LRFN2: variants seen among roughly 807,000 people sequenced by gnomAD.
The protein encoded by LRFN2 is leucine-rich repeat and fibronectin type-III domain-containing protein 2.
In LRFN2, 18 loss-of-function variants were observed where a neutral mutation model predicts 37.3. The observed-to-expected ratio is 0.48, with a 90% CI of 0.33 to 0.72. The LOEUF (loss-of-function observed/expected upper bound fraction) is 0.72. LRFN2 is among the 30% of genes least tolerant of loss of function. The pLI, the probability that LRFN2 is intolerant of heterozygous loss-of-function variation, is 0.02. For missense variants in LRFN2, 1,006 were observed against 1,060.7 expected (o/e 0.95, Z 0.72); for synonymous variants, 556 against 466.6 (o/e 1.19, Z -2.47).
chr6:40,565,788 G>T (rs1414648883), intron 1 of LRFN2, among the ~76,000 whole-genome samples: 1 of 151,852 alleles, frequency 6.6e-6, no homozygotes, highest in East Asian at 1.9e-4. Flanking sequence ...AACCCTAGAA[G>T]AAAACCTAGG....
At chr6:40,512,612 C>T (rs1296207409) in intron 1 of LRFN2, among the ~76,000 whole-genome samples, 1 of 152,166 alleles carries the variant, frequency 6.6e-6, no homozygotes, top group Non-Finnish European at 1.5e-5. Context: ...TAATGGATTC[C>T]CTCCTTGGCA....
At chr6:40,507,318 C>T (rs1212208860) in intron 1 of LRFN2, among the ~76,000 whole-genome samples, 2 of 152,162 alleles carry the variant, frequency 1.3e-5, no homozygotes, top group Non-Finnish European at 1.5e-5. Flanking sequence ...TCTTCTGTAC[C>T]CTAACAAAAC....
intron 1 of LRFN2, among the ~76,000 whole-genome samples, chr6:40,506,242 T>C (rs1043028142): frequency 1.3e-5 from 2 of 149,422 alleles, no homozygotes; most frequent in African/African-American, 2.6e-5. Flanking sequence ...ATAAGCCGTG[T>C]CATGGAACCT....
At chr6:40,563,835 T>A (rs1006921596) in intron 1 of LRFN2, among the ~76,000 whole-genome samples, 3 of 152,166 alleles carry the variant, frequency 2.0e-5, no homozygotes, top group African/African-American at 7.2e-5. Context: ...AGCACTACGA[T>A]TACCATGGAT....
intron 1 of LRFN2, among the ~76,000 whole-genome samples, chr6:40,459,723 A>T (rs1243260955): frequency 6.6e-6 from 1 of 152,222 alleles, no homozygotes; most frequent in Non-Finnish European, 1.5e-5. Context: ...GATGCTTGGC[A>T]CTATGTGCCT....
At chr6:40,483,942 G>T (rs1209110327) in intron 1 of LRFN2, among the ~76,000 whole-genome samples, 1 of 152,166 alleles carries the variant, frequency 6.6e-6, no homozygotes, top group Non-Finnish European at 1.5e-5. Flanking sequence ...CAGCATTCCT[G>T]GCTCAGAGAG....
At position 40,450,405 on chromosome 6, in the gene LRFN2, G is replaced by A. The variant is rs190572054; in HGVS notation, c.-18-17274C>T. Among the ~76,000 whole-genome samples the A allele has an allele frequency of 3.2e-3, 493 of 152,314 alleles. 4 individuals are homozygous for A. The highest frequency in any genetic ancestry group is 3.9e-3 in the Non-Finnish European group (268 of 68,034). On this transcript the variant is annotated intron_variant, in intron 1 of 2. Coordinates refer to ENST00000338305, the MANE Select transcript of LRFN2 (RefSeq NM_020737.3). ...TGACATTTGTTGGTATTTTCAACTC[G>A]GGTGAAAACAAACAAATTGCACTGA...
intron 1 of LRFN2, among the ~76,000 whole-genome samples, chr6:40,503,409 C>A (rs1237302136): frequency 6.6e-6 from 1 of 152,154 alleles, no homozygotes; most frequent in African/African-American, 2.4e-5. Flanking sequence ...CACAGTGACA[C>A]TTAGCTGCTC....
intron 1 of LRFN2, among the ~76,000 whole-genome samples, chr6:40,576,866 T>C (rs1479293850): frequency 7.2e-5 from 11 of 151,966 alleles, no homozygotes; most frequent in Non-Finnish European, 2.9e-5. Flanking sequence ...TCTGGTCTTC[T>C]TCACCTTCCT....
chr6:40,530,331 G>A (rs1408589373), intron 1 of LRFN2, among the ~76,000 whole-genome samples: 4 of 152,156 alleles, frequency 2.6e-5, no homozygotes, highest in South Asian at 4.1e-4. Context: ...TGGCTCACAC[G>A]CAGTTCCAGA....
intron 1 of LRFN2, among the ~76,000 whole-genome samples, chr6:40,568,167 T>C (rs1767123089): frequency 6.6e-6 from 1 of 152,204 alleles, no homozygotes; most frequent in Non-Finnish European, 1.5e-5. Flanking sequence ...TACAGATAAC[T>C]AAGCCTCAGT....
At chr6:40,400,522 G>A (rs549205837) in intron 2 of LRFN2, among the ~76,000 whole-genome samples, 1 of 148,638 alleles carries the variant, frequency 6.7e-6, no homozygotes, top group African/African-American at 2.5e-5. Flanking sequence ...CCAGGCTCAA[G>A]CAATTCTCCT....
chr6:40,535,119 G>A (rs1402192249), intron 1 of LRFN2, among the ~76,000 whole-genome samples: 1 of 152,178 alleles, frequency 6.6e-6, no homozygotes, highest in Non-Finnish European at 1.5e-5. Flanking sequence ...GCAAGATAAG[G>A]TCAAGAAGAG....
intron 1 of LRFN2, among the ~76,000 whole-genome samples, chr6:40,522,900 G>A (rs916876111): frequency 1.3e-5 from 2 of 152,364 alleles, no homozygotes; most frequent in Middle Eastern, 3.4e-3. Flanking sequence ...CTGGGGCTGA[G>A]TGTAAGGTGC....
At chr6:40,398,159 A>C (rs2504828) in intron 2 of LRFN2, among the ~76,000 whole-genome samples, 1 of 151,648 alleles carries the variant, frequency 6.6e-6, no homozygotes, top group Non-Finnish European at 1.5e-5. Flanking sequence ...TGTGGGGCTG[A>C]CCTCTGCATC....
chr6:40,583,488 G>A (rs189899296), intron 1 of LRFN2, among the ~76,000 whole-genome samples: 21 of 152,186 alleles, frequency 1.4e-4, no homozygotes, highest in African/African-American at 2.4e-4. Context: ...AAACTGACCC[G>A]TGAAAGTCCA....
intron 1 of LRFN2, among the ~76,000 whole-genome samples, chr6:40,526,704 A>G (rs1451966256): frequency 6.6e-6 from 1 of 152,164 alleles, no homozygotes; most frequent in Non-Finnish European, 1.5e-5. Flanking sequence ...GGATGTGGCC[A>G]TCCGGTCCCT....
intron 1 of LRFN2, among the ~76,000 whole-genome samples, chr6:40,558,273 TCC>T (rs1240160596): frequency 6.6e-6 from 1 of 152,202 alleles, no homozygotes; most frequent in Non-Finnish European, 1.5e-5. Context: ...GCAGCCTGTG[TCC>T]CCTGGCTCCT....
chr6:40,493,547 C>T (rs1765145990), intron 1 of LRFN2, among the ~76,000 whole-genome samples: 1 of 152,134 alleles, frequency 6.6e-6, no homozygotes, highest in Admixed American at 6.5e-5. Flanking sequence ...TGTCTAGCAC[C>T]CACACTACAA....
Sources: allele counts gnomAD v4.1 joint callset (sites outside exome capture counted in the v4.1 genomes callset), GRCh38; gene constraint gnomAD v4.1.1; transcripts MANE v1.5; gene names NCBI Gene and HGNC (gene_info 2026-07-23, HGNC 2026-07-21).